SMYD1: variants seen among roughly 807,000 people sequenced by gnomAD.
SMYD1 encodes the protein histone-lysine N-methyltransferase SMYD1.
Under a neutral mutation model 54.0 loss-of-function variants are expected in SMYD1, and 49 were observed. The observed-to-expected ratio is 0.91, with a 90% CI of 0.72 to 1.15. SMYD1 has a LOEUF of 1.15. Ranked by LOEUF, SMYD1 falls within the 50% of genes most tolerant of loss-of-function variation. The pLI is 0.00. For missense variants in SMYD1, 653 were observed against 639.6 expected (o/e 1.02, Z -0.23); for synonymous variants, 269 against 234.2 (o/e 1.15, Z -1.36).
At chr2:88,084,270 C>T in intron 1 of SMYD1, 46 bp from the exon 2 acceptor site, 1 of 1,511,556 alleles carries the variant, frequency 6.6e-7, no homozygotes, top group Non-Finnish European at 9.0e-7. Flanking sequence ...GCAGGGTGCC[C>T]TTTCCACTGT....
At chr2:88,099,549 C>A (rs1158455803) in intron 6 of SMYD1, among the ~76,000 whole-genome samples, 2 of 151,774 alleles carry the variant, frequency 1.3e-5, no homozygotes, top group African/African-American at 2.4e-5. Flanking sequence ...ATGGTGAAAC[C>A]CCATCTCTAC....
At chr2:88,090,735 G>A (rs970292344) in intron 3 of SMYD1, among the ~76,000 whole-genome samples, 4 of 152,084 alleles carry the variant, frequency 2.6e-5, no homozygotes, top group African/African-American at 9.7e-5. Context: ...TACAGAAAAA[G>A]GAAAATATTT....
intron 8 of SMYD1, 81 bp downstream of exon 8, chr2:88,106,569 G>A: frequency 6.8e-7 from 1 of 1,464,374 alleles, no homozygotes; most frequent in Admixed American, 1.8e-5. Context: ...CACATTTACT[G>A]GTGCCTCTCC....
chr2:88,072,227 T>G lies in SMYD1; in HGVS notation c.137+4226T>G, dbSNP rs1021342736. Among the ~76,000 whole-genome samples, 48 of 151,130 alleles carry G rather than the reference T, an allele frequency of 3.2e-4. 1 individual carries two copies. The highest frequency in any genetic ancestry group is 1.1e-3 in the African/African-American group (47 of 41,096). On this transcript the variant is annotated intron_variant, in intron 1 of 9. Transcript: ENST00000419482. ...GTGTAGTGGTGAGATCTCGGCTCAC[T>G]GCAACCTCTGCCACCTGGGCTCAAG...
intron 6 of SMYD1, 63 bp downstream of exon 6, chr2:88,096,847 G>T (rs188841361): frequency 4.4e-5 from 67 of 1,523,554 alleles, no homozygotes; most frequent in Non-Finnish European, 5.8e-5. Context: ...GTCACAGGTG[G>T]TTTCACAGCT....
chr2:88,083,652 G>A (rs1674251408), intron 1 of SMYD1, among the ~76,000 whole-genome samples: 1 of 152,180 alleles, frequency 6.6e-6, no homozygotes, highest in Admixed American at 6.5e-5. Flanking sequence ...AATAACACTA[G>A]TTCACCACAC....
chr2:88,097,885 C>A (rs190578987), intron 6 of SMYD1, among the ~76,000 whole-genome samples: 1 of 152,048 alleles, frequency 6.6e-6, no homozygotes, highest in Non-Finnish European at 1.5e-5. Context: ...GGAGGACCAG[C>A]GATGCCTGGG....
intron 1 of SMYD1, 128 bp downstream of exon 1, chr2:88,068,129 ACTTCTGAGAGCT>A: frequency 7.7e-7 from 1 of 1,293,370 alleles, no homozygotes; most frequent in Non-Finnish European, 1.0e-6. Context: ...ACAAAATGGC[ACTTCTGAGAGCT>A]AATTTTTCTG....
chr2:88,095,736 G>T (rs1185668541), intron 5 of SMYD1, among the ~76,000 whole-genome samples: 1 of 152,214 alleles, frequency 6.6e-6, no homozygotes, highest in Non-Finnish European at 1.5e-5. Flanking sequence ...CTTGTTTTCT[G>T]TAGCTGTCTG....
rs760674935 is a variant in SMYD1 at position 88,106,369 on chromosome 2, G to A, written c.1026G>A (p.Val342=). The A allele has an allele frequency of 3.0e-5, 49 of 1,614,034 alleles. No homozygotes were observed. The South Asian group carries it at 5.3e-4, about 17-fold the overall frequency. Residue 342 remains valine (V), a synonymous_variant, in exon 8 of 10, where the codon GTG becomes GTA. Transcript: ENST00000419482. ...CRECLEKQEP[V]FADTNIYMLR... ...AGTGCCTGGAGAAGCAGGAGCCAGTGTTTGCTGACACCAACATCTACATGC... is the reference window on the plus strand; with the variant it reads ...AGTGCCTGGAGAAGCAGGAGCCAGTATTTGCTGACACCAACATCTACATGC...
chr2:88,103,635 C>T (rs1292475884), intron 7 of SMYD1, among the ~76,000 whole-genome samples: 3 of 152,000 alleles, frequency 2.0e-5, no homozygotes, highest in African/African-American at 7.3e-5. Context: ...ATGCTCAGGC[C>T]CCCACTCAGG....
chr2:88,104,387 T>C (rs1389330593), intron 7 of SMYD1, among the ~76,000 whole-genome samples: 1 of 152,238 alleles, frequency 6.6e-6, no homozygotes, highest in East Asian at 1.9e-4. Flanking sequence ...GAAGGAGTTC[T>C]GTCAGGTGGG....
chr2:88,095,237 C>T (rs1292598111), intron 5 of SMYD1, among the ~76,000 whole-genome samples: 1 of 152,134 alleles, frequency 6.6e-6, no homozygotes, highest in Admixed American at 6.5e-5. Context: ...CTATAGTAAC[C>T]GCTGCTGCTG....
chr2:88,070,587 G>C (rs1365464947), intron 1 of SMYD1, among the ~76,000 whole-genome samples: 2 of 151,884 alleles, frequency 1.3e-5, no homozygotes, highest in African/African-American at 4.8e-5. Context: ...TCTCTATCCT[G>C]TTGCATGCCT....
intron 1 of SMYD1, among the ~76,000 whole-genome samples, chr2:88,076,379 T>G (rs1484889266): frequency 6.6e-6 from 1 of 152,140 alleles, no homozygotes; most frequent in Non-Finnish European, 1.5e-5. Flanking sequence ...CACGCCCAGC[T>G]AATTGTTTTT....
At chr2:88,079,589 AG>A (rs1184631420) in intron 1 of SMYD1, among the ~76,000 whole-genome samples, 1 of 152,202 alleles carries the variant, frequency 6.6e-6, no homozygotes, top group Non-Finnish European at 1.5e-5. Context: ...TGGGAGGCCA[AG>A]GTGGGCAGAT....
rs777635831 is a variant in SMYD1 at position 88,087,845 on chromosome 2, C to T, written c.315-17C>T. On this transcript the variant is annotated splice_polypyrimidine_tract_variant and intron_variant, in intron 2 of 9. Transcript: ENST00000419482. ...GAATGCAGCTGTAGTGGCCTCCTGA[C>T]GCTGCCCTTCCCACAGGCTGGCGGC... is the stretch of plus-strand genomic sequence containing the variant. The T allele has an allele frequency of 3.9e-6, 6 of 1,545,340 alleles. No homozygotes were observed. Among genetic ancestry groups the T allele is most frequent in the East Asian group, 2.3e-5 (1 of 43,264 alleles).
chr2:88,110,234 T>G lies in SMYD1; in HGVS notation c.1315-120T>G, dbSNP rs112244830. The G allele has an allele frequency of 4.5e-4, 463 of 1,021,322 alleles. 2 individuals carry two copies. The African/African-American group carries it at 6.4e-3, about 14-fold the overall frequency. 63.3% of individuals were successfully genotyped at this position (1,021,322 alleles called of 1,614,324 possible). ...GTGTGTGTGTGTGTGTGTGTGTGTG[T>G]ATTCTGAGGGGGTAGAGTTGAATCT... On this transcript the variant is annotated intron_variant, in intron 9 of 9. Transcript: ENST00000419482.
At chr2:88,088,802 AG>A (rs1241376721) in intron 3 of SMYD1, among the ~76,000 whole-genome samples, 3 of 151,936 alleles carry the variant, frequency 2.0e-5, no homozygotes, top group Non-Finnish European at 4.4e-5. Context: ...AGCCAGAGAG[AG>A]GGGAGTCAGG....
Sources: allele counts gnomAD v4.1 joint callset (sites outside exome capture counted in the v4.1 genomes callset), GRCh38; gene constraint gnomAD v4.1.1; transcripts MANE v1.5; gene names NCBI Gene and HGNC (gene_info 2026-07-23, HGNC 2026-07-21).